ALKBH1: variants seen among roughly 807,000 people sequenced by gnomAD.
ALKBH1 encodes alkB homolog 1, histone H2A dioxygenase.
ALKBH1 carries 31 observed loss-of-function variants against 36.6 expected under a neutral mutation model. The observed-to-expected ratio is 0.85, with a 90% CI of 0.64 to 1.14. The LOEUF (loss-of-function observed/expected upper bound fraction) is 1.14. Ranked by LOEUF, ALKBH1 falls within the 50% of genes most tolerant of loss-of-function variation. ALKBH1 has a pLI of 0.00. For synonymous variants in ALKBH1, 183 were observed against 186.6 expected (o/e 0.98, Z 0.16); for missense variants, 490 against 497.3 (o/e 0.99, Z 0.14).
rs201388565 is a variant in ALKBH1, at chr14:77,674,041, G to T, written c.941C>A (p.Pro314Gln). The T allele has an allele frequency of 8.1e-6, 13 of 1,614,038 alleles. No homozygotes were observed. The highest frequency in any genetic ancestry group is 1.3e-5 in the African/African-American group (1 of 74,906). The change falls in exon 6 of 6, where the codon CCG becomes CAG. Residue 314 changes from proline to glutamine, a missense_variant. Pro to Gln is a moderately conservative substitution (Grantham distance 76). Coordinates refer to ENST00000216489, the MANE Select transcript of ALKBH1 (RefSeq NM_006020.3). ...ACAAGGCTCTACCATTGAATCTCTC[G>T]GGAGGACAGCAGGGAGAGGTGCCTC... is the stretch of plus-strand genomic sequence containing the variant. The part of the protein sequence containing the change: ...CLEAPLPAVL[P>Q]RDSMVEPCSM...
intron 3 of ALKBH1, among the ~76,000 whole-genome samples, chr14:77,691,384 A>T (rs2080296286): frequency 6.6e-6 from 1 of 152,126 alleles, no homozygotes; most frequent in South Asian, 2.1e-4. Flanking sequence ...TATGATACCT[A>T]ATCAAAATCT....
chr14:77,705,792 C>T (rs1261660591), intron 1 of ALKBH1, among the ~76,000 whole-genome samples: 1 of 152,168 alleles, frequency 6.6e-6, no homozygotes, highest in Non-Finnish European at 1.5e-5. Flanking sequence ...CGGTGGCTCA[C>T]ACCTGTAATT....
chr14:77,707,791 G>A (rs1178412799), intron 1 of ALKBH1, 31 bp downstream of exon 1: 3 of 1,565,322 alleles, frequency 1.9e-6, no homozygotes. Context: ...GCAAAGCGAT[G>A]GAGAGACGCG....
intron 4 of ALKBH1, among the ~76,000 whole-genome samples, chr14:77,678,741 G>C (rs1230406769): frequency 1.3e-5 from 2 of 152,120 alleles, no homozygotes; most frequent in African/African-American, 4.8e-5. Flanking sequence ...AGAAATCGTA[G>C]CTCAAGAAAA....
chr14:77,675,542 T>TCCCC (rs2080200508), intron 5 of ALKBH1, 114 bp downstream of exon 5: 1 of 856,364 alleles, frequency 1.2e-6, no homozygotes, highest in Admixed American at 2.9e-5. Flanking sequence ...TGGAAGATTA[T>TCCCC]AGAGTCCAAC....
chr14:77,673,795 G>C lies in ALKBH1; in HGVS notation c.*17C>G. The C allele has an allele frequency of 6.2e-7, 1 of 1,601,678 alleles. No individual in the cohort carries two copies. Among genetic ancestry groups the C allele is most frequent in the Non-Finnish European group, 8.5e-7 (1 of 1,172,436 alleles). ...GGTAAGCAGGTGCCTGAGTAAAAAGGATGGGATCTCCAAGTCTCAGCTGTC... is the reference window on the plus strand; with the variant it reads ...GGTAAGCAGGTGCCTGAGTAAAAAGCATGGGATCTCCAAGTCTCAGCTGTC... On this transcript the variant is annotated 3_prime_UTR_variant, in exon 6 of 6. Coordinates refer to ENST00000216489, the MANE Select transcript of ALKBH1 (RefSeq NM_006020.3).
chr14:77,691,899 T>C (rs892249549), intron 3 of ALKBH1: 6 of 152,178 alleles, frequency 3.9e-5, no homozygotes, highest in African/African-American at 1.4e-4. Context: ...ACGATCTTCC[T>C]TTCCCCTGCT....
At chr14:77,686,125 AG>A (rs1490153795) in intron 3 of ALKBH1, among the ~76,000 whole-genome samples, 4 of 152,344 alleles carry the variant, frequency 2.6e-5, no homozygotes, top group Non-Finnish European at 4.4e-5. Context: ...TTCTTGTCTT[AG>A]TACTATTTAA....
chr14:77,686,776 G>A (rs767931606), intron 3 of ALKBH1, among the ~76,000 whole-genome samples: 3 of 152,038 alleles, frequency 2.0e-5, no homozygotes, highest in South Asian at 2.1e-4. Flanking sequence ...AATGTGTGCC[G>A]CCATGCCCAG....
At chr14:77,706,011 C>T (rs1595061208) in intron 1 of ALKBH1, among the ~76,000 whole-genome samples, 1 of 151,988 alleles carries the variant, frequency 6.6e-6, no homozygotes, top group Non-Finnish European at 1.5e-5. Context: ...GCCAAGATCA[C>T]GCCACTGCAC....
chr14:77,678,206 C>T (rs532680734), intron 4 of ALKBH1, among the ~76,000 whole-genome samples: 1 of 149,700 alleles, frequency 6.7e-6, no homozygotes, highest in South Asian at 2.1e-4. Context: ...TTCACAACTG[C>T]CTTATGAGGT....
At chr14:77,677,333 C>G (rs1410504909) in intron 4 of ALKBH1, among the ~76,000 whole-genome samples, 2 of 152,172 alleles carry the variant, frequency 1.3e-5, no homozygotes, top group Non-Finnish European at 2.9e-5. Context: ...AGCCACCATG[C>G]CTGGCCTGGC....
rs189299764 is a variant in ALKBH1 at position 77,678,077 on chromosome 14, A to T, written c.546+1803T>A. On this transcript the variant is annotated intron_variant, in intron 4 of 5. Coordinates refer to ENST00000216489, the MANE Select transcript of ALKBH1 (RefSeq NM_006020.3). The stretch of plus-strand genomic sequence containing the variant: ...GGGAATAACAATATCAACAGTAAAA[A>T]TATTATCACCAAAAAAAAAAAAAAA... Among the ~76,000 whole-genome samples, 89 of 98,388 alleles carry T rather than the reference A, an allele frequency of 9.0e-4. 2 individuals carry two copies. Among genetic ancestry groups the T allele is most frequent in the African/African-American group, 3.2e-3 (82 of 25,464 alleles). The allele number at this position is 98,388 out of a possible 152,430, so 64.5% of individuals were successfully genotyped here. A position where few individuals can be genotyped will look rare whatever the true frequency, so the allele number is the denominator to read the frequency against.
At chr14:77,683,304 T>C (rs1167575944) in intron 3 of ALKBH1, 7 of 747,870 alleles carry the variant, frequency 9.4e-6, no homozygotes, top group East Asian at 2.5e-5. Flanking sequence ...GGCACTTCAG[T>C]TGAACTCAGG....
chr14:77,695,032 A>T (rs1200863984), intron 2 of ALKBH1, 132 bp from the exon 3 acceptor site: 5 of 656,204 alleles, frequency 7.6e-6, no homozygotes, highest in African/African-American at 1.9e-5. Context: ...CTTCAAGTTA[A>T]TGAACAGGTA....
At chr14:77,687,023 A>T (rs564928949) in intron 3 of ALKBH1, among the ~76,000 whole-genome samples, 4 of 152,326 alleles carry the variant, frequency 2.6e-5, no homozygotes, top group South Asian at 4.1e-4. Context: ...TGCCACTGTA[A>T]CTGCTAACAT....
At chr14:77,707,752 A>G in intron 1 of ALKBH1, 70 bp downstream of exon 1, 2 of 1,506,530 alleles carry the variant, frequency 1.3e-6, no homozygotes, top group Non-Finnish European at 1.8e-6. Flanking sequence ...AGAGGCGAAG[A>G]AGACACGTAA....
At chr14:77,690,514 C>A (rs1034670614) in intron 3 of ALKBH1, among the ~76,000 whole-genome samples, 9 of 152,168 alleles carry the variant, frequency 5.9e-5, no homozygotes, top group Non-Finnish European at 1.0e-4. Context: ...TGAAGGGAGG[C>A]TGGTTAGGAG....
chr14:77,695,408 C>T (rs1211855534), intron 2 of ALKBH1, among the ~76,000 whole-genome samples: 1 of 152,166 alleles, frequency 6.6e-6, no homozygotes, highest in East Asian at 1.9e-4. Flanking sequence ...ACCCTGCCAG[C>T]TACATTTCTT....
Sources: gnomAD v4.1 joint callset for allele counts (sites outside exome capture counted in the v4.1 genomes callset) on GRCh38, gnomAD v4.1.1 for gene constraint, MANE v1.5 for transcripts, NCBI Gene and HGNC (gene_info 2026-07-23, HGNC 2026-07-21) for gene names.